Variants in PDE4B observed in about 807,000 individuals in gnomAD.
PDE4B encodes the protein phosphodiesterase 4B, also known as 3',5'-cyclic-AMP phosphodiesterase 4B.
PDE4B carries 20 observed loss-of-function variants against 82.2 expected under a neutral mutation model. The ratio of observed to expected loss-of-function variants is 0.24; its 90% CI spans 0.17 to 0.35. The LOEUF (loss-of-function observed/expected upper bound fraction) is 0.35, where lower values mean the gene tolerates loss of function less well. Among genes scored for constraint, PDE4B ranks in the 10% least tolerant of loss-of-function variants. The probability of loss-of-function intolerance (pLI) is 1.00; values close to 1 mark genes in which losing one functional copy is unlikely to be tolerated. For synonymous variants in PDE4B, 320 were observed against 318.9 expected (o/e 1.00, Z -0.04); for missense variants, 655 against 907.2 (o/e 0.72, Z 3.57).
intron 3 of PDE4B, among the ~76,000 whole-genome samples, chr1:65,986,456 T>C (rs1650959907): frequency 6.6e-6 from 1 of 152,124 alleles, no homozygotes; most frequent in Admixed American, 6.5e-5. Context: ...GATAGAGAAA[T>C]AACACTTCAG....
chr1:65,809,910 T>C (rs916247524), intron 1 of PDE4B, among the ~76,000 whole-genome samples: 2 of 152,242 alleles, frequency 1.3e-5, no homozygotes, highest in Middle Eastern at 3.2e-3. Flanking sequence ...GCTTAACTTA[T>C]TTATGAATAG....
chr1:66,168,458 G>A (rs1646778076), intron 3 of PDE4B, among the ~76,000 whole-genome samples: 1 of 152,166 alleles, frequency 6.6e-6, no homozygotes, highest in Non-Finnish European at 1.5e-5. Context: ...GTGAGCTATG[G>A]AGCAAACTGG....
chr1:66,240,201 G>A (rs77776847), intron 3 of PDE4B, among the ~76,000 whole-genome samples: 3,029 of 152,366 alleles, frequency 0.02, 39 homozygotes, highest in Middle Eastern at 0.058. Context: ...AAGTTCGTCT[G>A]TGCTGTCTGT....
At chr1:65,825,740 A>ATCTATCTATCTATCTATCTG (rs1557766190) in intron 1 of PDE4B, among the ~76,000 whole-genome samples, 147 of 151,810 alleles carry the variant, frequency 9.7e-4, no homozygotes, top group African/African-American at 3.2e-3. Flanking sequence ...CTATCTATCT[A>ATCTATCTATCTATCTATCTG]TCTATCTATC....
rs1084494 is a variant in PDE4B at position 66,202,955 on chromosome 1, T to A, written c.282-44505T>A. Among the ~76,000 whole-genome samples the A allele has an allele frequency of 2.0e-5, 3 of 151,362 alleles. No homozygotes were observed. In the East Asian group the frequency reaches 5.8e-4, roughly 29 times the overall value. ...TTCTTCCTAGCCTTGATGGTCTTTATAATTTGGCATGTTTTTGCAGTGGCT... is the reference window on the plus strand; with the variant it reads ...TTCTTCCTAGCCTTGATGGTCTTTAAAATTTGGCATGTTTTTGCAGTGGCT... On this transcript the variant is annotated intron_variant, in intron 3 of 16. Transcript: ENST00000341517.
At chr1:66,271,614 T>C (rs1212908802) in intron 7 of PDE4B, among the ~76,000 whole-genome samples, 1 of 152,142 alleles carries the variant, frequency 6.6e-6, no homozygotes, top group Non-Finnish European at 1.5e-5. Context: ...CAAACACAGT[T>C]TCTTTCTTTC....
At chr1:66,084,114 C>A (rs989964098) in intron 3 of PDE4B, among the ~76,000 whole-genome samples, 1 of 152,000 alleles carries the variant, frequency 6.6e-6, no homozygotes, top group African/African-American at 2.4e-5. Flanking sequence ...AAAAATTATA[C>A]CTCTTACAAG....
chr1:66,332,169 G>A (rs1660160243), intron 7 of PDE4B: 23 of 1,386,332 alleles, frequency 1.7e-5, no homozygotes, highest in Non-Finnish European at 2.1e-5. Context: ...AAACTCTTTG[G>A]TGCTTCTGCC....
At chr1:66,183,875 A>G (rs1452798836) in intron 3 of PDE4B, among the ~76,000 whole-genome samples, 2 of 152,218 alleles carry the variant, frequency 1.3e-5, no homozygotes, top group East Asian at 1.9e-4. Context: ...ACATAGGTGC[A>G]TAAGACAAAG....
chr1:65,918,657 C>T lies in PDE4B; in HGVS notation c.103C>T (p.Leu35Phe), dbSNP rs1416192278. The change falls in exon 3 of 17, where the codon CTT becomes TTT. Residue 35 changes from leucine (L) to phenylalanine (F), a missense_variant. Transcript: ENST00000341517. ...SKSYSSSSNT[L>F]GIDLWRGRRC... The stretch of plus-strand genomic sequence containing the variant: ...ATCCTACAGTTCTTCCAGTAACACA[C>T]TTGGGATCGACCTCTGGAGAGGGAG... The T allele has an allele frequency of 7.4e-6, 12 of 1,613,602 alleles. No homozygotes were observed. Among genetic ancestry groups the T allele is most frequent in the Non-Finnish European group, 1.0e-5 (12 of 1,179,640 alleles).
intron 3 of PDE4B, among the ~76,000 whole-genome samples, chr1:65,934,746 A>G (rs1291805559): frequency 6.6e-6 from 1 of 152,228 alleles, no homozygotes; most frequent in East Asian, 1.9e-4. Flanking sequence ...GACAAAATAT[A>G]TGTAAAGTAA....
chr1:65,854,366 T>C (rs1409274888), intron 1 of PDE4B, among the ~76,000 whole-genome samples: 11 of 151,978 alleles, frequency 7.2e-5, no homozygotes. Context: ...TGTGGACTCA[T>C]TTTCATTGAT....
At chr1:66,120,673 T>G (rs939795622) in intron 3 of PDE4B, among the ~76,000 whole-genome samples, 1 of 152,176 alleles carries the variant, frequency 6.6e-6, no homozygotes, top group Non-Finnish European at 1.5e-5. Context: ...ACAATGACTA[T>G]TTCCAGCTCA....
At chr1:66,306,219 C>T (rs1182308328) in intron 7 of PDE4B, among the ~76,000 whole-genome samples, 1 of 152,048 alleles carries the variant, frequency 6.6e-6, no homozygotes, top group African/African-American at 2.4e-5. Flanking sequence ...ACCCTGTACA[C>T]CAAATTAAGG....
At chr1:66,065,636 GA>G (rs767492306) in intron 3 of PDE4B, among the ~76,000 whole-genome samples, 2 of 151,856 alleles carry the variant, frequency 1.3e-5, no homozygotes, top group East Asian at 1.9e-4. Flanking sequence ...GTTAGTTATG[GA>G]AGAGACTTTG....
At position 66,373,271 on chromosome 1, in the gene PDE4B, C is replaced by T. The variant is rs568457543; in HGVS notation, c.*593C>T. 6.5e-6 allele frequency: 1 copy of T among 153,056 alleles called. No individual in the cohort carries two copies. Among genetic ancestry groups the T allele is most frequent in the East Asian group, 1.9e-4 (1 of 5,188 alleles). The allele number at this position is 153,056 out of a possible 1,614,324, so 9.5% of individuals were successfully genotyped here. ...TACTACAGTTACTTTTGCAAACAGA[C>T]AGAAAGGATACACTTCTAACCACAT... On this transcript the variant is annotated 3_prime_UTR_variant, in exon 17 of 17. Transcript: ENST00000341517.
At chr1:66,288,101 A>C (rs1179482175) in intron 7 of PDE4B, among the ~76,000 whole-genome samples, 5 of 152,118 alleles carry the variant, frequency 3.3e-5, no homozygotes, top group African/African-American at 9.7e-5. Context: ...GCCTACAGGA[A>C]GCATAATAAT....
chr1:65,842,399 T>C (rs1473857469), intron 1 of PDE4B, among the ~76,000 whole-genome samples: 2 of 152,140 alleles, frequency 1.3e-5, no homozygotes, highest in Admixed American at 6.6e-5. Context: ...CCCTGGCTCT[T>C]AGTAGTTTGA....
At chr1:66,099,272 T>A (rs1423401001) in intron 3 of PDE4B, among the ~76,000 whole-genome samples, 2 of 152,140 alleles carry the variant, frequency 1.3e-5, no homozygotes, top group East Asian at 3.9e-4. Context: ...TCCAGCTCCA[T>A]CCATGTTCCT....
Sources: allele counts gnomAD v4.1 joint callset (sites outside exome capture counted in the v4.1 genomes callset), GRCh38; gene constraint gnomAD v4.1.1; transcripts MANE v1.5; gene names NCBI Gene and HGNC (gene_info 2026-07-23, HGNC 2026-07-21).